TESPA1: variants seen among roughly 807,000 people sequenced by gnomAD.
TESPA1 encodes the protein protein TESPA1.
TESPA1 carries 33 observed loss-of-function variants against 57.9 expected under a neutral mutation model. That is an observed-to-expected ratio of 0.57 (90% CI 0.43 to 0.76). TESPA1 has a LOEUF of 0.76. Ranked by LOEUF, TESPA1 falls within the 30% of genes least tolerant of loss-of-function variation. TESPA1 has a pLI of 0.00. For synonymous variants in TESPA1, 227 were observed against 228.9 expected (o/e 0.99, Z 0.07); for missense variants, 618 against 632.9 (o/e 0.98, Z 0.25).
intron 5 of TESPA1, 45 bp from the exon 6 acceptor site, chr12:54,966,469 T>C: frequency 1.2e-6 from 2 of 1,602,234 alleles, no homozygotes; most frequent in South Asian, 2.2e-5. Flanking sequence ...GAAGGGAAAA[T>C]GAAAATCACC....
intron 10 of TESPA1, among the ~76,000 whole-genome samples, chr12:54,960,469 G>A (rs1951004002): frequency 6.6e-6 from 1 of 152,190 alleles, no homozygotes; most frequent in African/African-American, 2.4e-5. Context: ...GACCCTAAAT[G>A]AGCATAGCTG....
At chr12:54,967,123 G>A (rs371657112) in intron 5 of TESPA1, 60 bp downstream of exon 5, 1 of 1,590,722 alleles carries the variant, frequency 6.3e-7, no homozygotes. Flanking sequence ...ATCCTATCCT[G>A]AATTCATACA....
At chr12:54,969,824 G>A (rs535388326) in intron 3 of TESPA1, among the ~76,000 whole-genome samples, 1 of 152,164 alleles carries the variant, frequency 6.6e-6, no homozygotes, top group Non-Finnish European at 1.5e-5. Context: ...GATAGTGAAC[G>A]AAACGGACGG....
At chr12:54,973,166 A>C (rs1026907121) in intron 3 of TESPA1, among the ~76,000 whole-genome samples, 3 of 152,182 alleles carry the variant, frequency 2.0e-5, no homozygotes, top group Non-Finnish European at 4.4e-5. Context: ...TAAAGGGGGA[A>C]GTCAGGGGAG....
chr12:54,953,522 C>CTTTTTTTTTT (rs1178610425), intron 10 of TESPA1, among the ~76,000 whole-genome samples: 8,818 of 134,640 alleles, frequency 0.065, 1,294 homozygotes, highest in East Asian at 0.56. Flanking sequence ...TTTTTATTTA[C>CTTTTTTTTTT]TTTTTTTTTT....
Position 54,963,802 on chromosome 12 carries a change from G to A in TESPA1, c.595C>T (p.Leu199Phe). ...CTCCGCACCTGGGACTTCAGGAAGA[G>A]CTGGAAATCAATGCCCTTGGCCTGA... ...PSQAKGIDFQ[L>F]FLKSQVRRIE... is the part of the protein sequence containing the mutation. Residue 199 changes from leucine (L) to phenylalanine (F), a missense_variant, in exon 8 of 11, where the codon CTC becomes TTC. Leu to Phe is a conservative substitution (Grantham distance 22). This residue lies in a region of TESPA1 where 409 missense variants were observed against 420.1 expected (regional missense o/e 0.97). Transcript: ENST00000449076. The A allele has an allele frequency of 6.2e-7, 1 of 1,613,980 alleles. No homozygotes were observed. Among genetic ancestry groups the A allele is most frequent in the Non-Finnish European group, 8.5e-7 (1 of 1,179,874 alleles).
intron 1 of TESPA1, among the ~76,000 whole-genome samples, chr12:54,978,178 G>C (rs1952200414): frequency 6.6e-6 from 1 of 152,152 alleles, no homozygotes; most frequent in African/African-American, 2.4e-5. Flanking sequence ...ACAAAGATAT[G>C]GAGATGTTTC....
At chr12:54,981,202 T>C (rs1474486655) in intron 1 of TESPA1, among the ~76,000 whole-genome samples, 1 of 152,140 alleles carries the variant, frequency 6.6e-6, no homozygotes, top group East Asian at 1.9e-4. Flanking sequence ...TAATAAGTGA[T>C]AGATATGATT....
intron 1 of TESPA1, among the ~76,000 whole-genome samples, chr12:54,975,708 A>T (rs1952111385): frequency 6.6e-6 from 1 of 152,038 alleles, no homozygotes; most frequent in Non-Finnish European, 1.5e-5. Context: ...AAATAAAATA[A>T]AATAAAATAA....
intron 2 of TESPA1, chr12:54,974,050 G>T (rs1278181714): frequency 1.3e-5 from 5 of 378,340 alleles, no homozygotes; most frequent in Non-Finnish European, 1.9e-5. Flanking sequence ...TGACAGCATT[G>T]TGGCCAGAGT....
At chr12:54,972,450 A>C (rs117630592) in intron 3 of TESPA1, among the ~76,000 whole-genome samples, 1 of 152,274 alleles carries the variant, frequency 6.6e-6, no homozygotes, top group Non-Finnish European at 1.5e-5. Flanking sequence ...TCCCCTGTAC[A>C]TATCTGGTAA....
At chr12:54,963,307 T>C in intron 8 of TESPA1, 65 bp from the exon 9 acceptor site, 1 of 1,455,534 alleles carries the variant, frequency 6.9e-7, no homozygotes, top group Non-Finnish European at 9.2e-7. Flanking sequence ...AATCTCTCCC[T>C]TCAGGAGGCT....
chr12:54,957,808 A>T (rs1267733198), intron 10 of TESPA1, among the ~76,000 whole-genome samples: 1 of 152,224 alleles, frequency 6.6e-6, no homozygotes, highest in Non-Finnish European at 1.5e-5. Context: ...ATCATAAACC[A>T]TTTTTTGTAA....
chr12:54,960,176 T>C (rs1950986454), intron 10 of TESPA1, among the ~76,000 whole-genome samples: 2 of 152,206 alleles, frequency 1.3e-5, no homozygotes, highest in South Asian at 4.1e-4. Flanking sequence ...ATTTATACTA[T>C]CTGGGGAAAA....
At position 54,962,479 on chromosome 12, in the gene TESPA1, C is replaced by T. The variant is rs1376618480; in HGVS notation, c.1419G>A (p.Leu473=). 3.1e-6 allele frequency: 5 copies of T among 1,612,872 alleles called. No homozygotes were observed. Among genetic ancestry groups the T allele is most frequent in the Middle Eastern group, 1.9e-4 (1 of 5,154 alleles). ...KWKQSVDRPE[L]RRSLSQQPQD... ...GTGGCTGCTGGCTTAAAGACCGACGCAGTTCTGGTCTGTCTACACTCTGCT... is the reference window on the plus strand; with the variant it reads ...GTGGCTGCTGGCTTAAAGACCGACGTAGTTCTGGTCTGTCTACACTCTGCT... Residue 473 remains leucine (L), a synonymous_variant, in exon 9 of 11, where the codon CTG becomes CTA. Transcript: ENST00000449076.
At chr12:54,978,824 C>A (rs975829721) in intron 1 of TESPA1, among the ~76,000 whole-genome samples, 5 of 152,220 alleles carry the variant, frequency 3.3e-5, no homozygotes, top group African/African-American at 1.2e-4. Context: ...CCTGTAGCAA[C>A]AAACACCCAT....
chr12:54,949,229 T>C lies in TESPA1; in HGVS notation c.*1163A>G, dbSNP rs1191919889. 1 of 152,222 alleles carries C rather than the reference T, an allele frequency of 6.6e-6. No individual in the cohort carries two copies. The highest frequency in any genetic ancestry group is 1.9e-4 in the East Asian group (1 of 5,196). The allele number at this position is 152,222 out of a possible 1,614,324, so 9.4% of individuals were successfully genotyped here. A position where few individuals can be genotyped will look rare whatever the true frequency, so the allele number is the denominator to read the frequency against. ...CCTAGCCCTTTTGTCTCTGCCTCACTACGTATCAGACTCAGTTTGTGCCTT... is the reference window on the plus strand; with the variant it reads ...CCTAGCCCTTTTGTCTCTGCCTCACCACGTATCAGACTCAGTTTGTGCCTT... On this transcript the variant is annotated 3_prime_UTR_variant, in exon 11 of 11. Transcript: ENST00000449076.
chr12:54,971,926 A>G (rs1231945374), intron 3 of TESPA1, among the ~76,000 whole-genome samples: 2 of 152,196 alleles, frequency 1.3e-5, no homozygotes, highest in Admixed American at 1.3e-4. Context: ...GTAGGTATAA[A>G]CTCCTCCTTT....
At position 54,948,769 on chromosome 12, in the gene TESPA1, A is replaced by C. The variant is rs902524571; in HGVS notation, c.*1623T>G. 5 of 152,328 alleles carry C rather than the reference A, an allele frequency of 3.3e-5. No individual in the cohort carries two copies. Among genetic ancestry groups the C allele is most frequent in the African/African-American group, 1.2e-4 (5 of 41,454 alleles). The allele number at this position is 152,328 out of a possible 1,614,324, so 9.4% of individuals were successfully genotyped here. ...TAGCAGTGTGAGAATGGACTAATAC[A>C]GTTCTTTAAATGAAATATTGTCAGA... is the stretch of plus-strand genomic sequence containing the variant. On this transcript the variant is annotated 3_prime_UTR_variant, in exon 11 of 11. Coordinates refer to ENST00000449076, the MANE Select transcript of TESPA1 (RefSeq NM_001136030.3).
Sources: allele counts gnomAD v4.1 joint callset (sites outside exome capture counted in the v4.1 genomes callset), GRCh38; gene constraint gnomAD v4.1.1; regional missense constraint gnomAD v4.1.1; transcripts MANE v1.5; gene names NCBI Gene and HGNC (gene_info 2026-07-23, HGNC 2026-07-21).